PCDHGB6: variants seen among roughly 807,000 people sequenced by gnomAD.
PCDHGB6 encodes the protein protocadherin gamma subfamily B, 6.
A neutral mutation model predicts 59.1 loss-of-function variants in PCDHGB6; 51 were observed. The ratio of observed to expected loss-of-function variants is 0.86; its 90% confidence interval spans 0.69 to 1.09. The LOEUF (loss-of-function observed/expected upper bound fraction) is 1.09. Among genes scored for constraint, PCDHGB6 ranks in the 50% least tolerant of loss-of-function variants. PCDHGB6 has a pLI of 0.00. For synonymous variants in PCDHGB6, 466 were observed against 495.1 expected (o/e 0.94, Z 0.78); for missense variants, 1,148 against 1,205.1 (o/e 0.95, Z 0.70).
At chr5:141,465,867 A>G (rs1049493106) in intron 1 of PCDHGB6, among the ~76,000 whole-genome samples, 5 of 152,040 alleles carry the variant, frequency 3.3e-5, no homozygotes, top group African/African-American at 9.7e-5. Context: ...TCATGCCTGT[A>G]ATCCCAGCAC....
chr5:141,415,305 C>G (rs200439097), intron 1 of PCDHGB6: 1 of 1,614,234 alleles, frequency 6.2e-7, no homozygotes, highest in African/African-American at 1.3e-5. Context: ...TCTTCCTGGC[C>G]TTCGTCATCG....
At chr5:141,418,848 G>C (rs770294020) in intron 1 of PCDHGB6, 1 of 1,613,836 alleles carries the variant, frequency 6.2e-7, no homozygotes, top group Non-Finnish European at 8.5e-7. Flanking sequence ...CTCTCAACAC[G>C]GTGTAAAGTA....
At chr5:141,413,827 G>A (rs2154544774) in intron 1 of PCDHGB6, 1 of 1,613,200 alleles carries the variant, frequency 6.2e-7, no homozygotes. Context: ...GGTCCTCACC[G>A]CCTCCGACGG....
rs752680691 is a variant in PCDHGB6, at chr5:141,433,173, G to A, written c.2418+22553G>A. Reference sequence around the variant, plus strand: ...TCGGTATTTTCTAAAGACAGTCATGGGTTAATTGAGGTGAGTTTATATCAA... The same window carrying A: ...TCGGTATTTTCTAAAGACAGTCATGAGTTAATTGAGGTGAGTTTATATCAA... On this transcript the variant is annotated intron_variant, in intron 1 of 3. Coordinates refer to ENST00000520790, the MANE Select transcript of PCDHGB6 (RefSeq NM_018926.3). 3.1e-6 allele frequency: 5 copies of A among 1,610,344 alleles called. 1 individual carries two copies. In the Middle Eastern group the frequency reaches 5.0e-4, roughly 160 times the overall value.
chr5:141,419,443 C>G lies in PCDHGB6; in HGVS notation c.2418+8823C>G, dbSNP rs1476796525. ...TCGACCACGAGCAGCTGCGCACCTT[C>G]GAGCTCACGCTGCAGGCCCGCGACC... On this transcript the variant is annotated intron_variant, in intron 1 of 3. Coordinates refer to ENST00000520790, the MANE Select transcript of PCDHGB6 (RefSeq NM_018926.3). 6.2e-7 allele frequency: 1 copy of G among 1,613,080 alleles called. No individual in the cohort carries two copies. Among genetic ancestry groups the G allele is most frequent in the Non-Finnish European group, 8.5e-7 (1 of 1,179,758 alleles).
rs199507728 is a variant in PCDHGB6, at chr5:141,422,807, G to A, written c.2418+12187G>A. On this transcript the variant is annotated intron_variant, in intron 1 of 3. Coordinates refer to ENST00000520790, the MANE Select transcript of PCDHGB6 (RefSeq NM_018926.3). ...CAATCCTTCGACTATGAGCAGTTTC[G>A]AGACTTAGAACTGAGAGTGATAGCA... 1.9e-3 allele frequency: 3,146 copies of A among 1,614,198 alleles called. 36 individuals are homozygous for A. The highest frequency in any genetic ancestry group is 0.018 in the South Asian group (1,680 of 91,084).
rs2099705703 is a variant in PCDHGB6, at chr5:141,490,886, C to A, written c.2419-3921C>A. On this transcript the variant is annotated intron_variant, in intron 1 of 3. Transcript: ENST00000520790. This position sits in a 1 kb window ranked among gnomAD's most constrained non-coding sequence, Gnocchi z 5.4. The stretch of plus-strand genomic sequence containing the variant: ...TCTCCCCCATTGCATGCCAACACAT[C>A]TCTGCATGTGTTTGTCCTAGACGAG... The A allele has an allele frequency of 6.2e-7, 1 of 1,613,406 alleles. No homozygotes were observed. Among genetic ancestry groups the A allele is most frequent in the East Asian group, 2.2e-5 (1 of 44,878 alleles).
At chr5:141,412,561 T>G (rs1183372771) in intron 1 of PCDHGB6, 3 of 152,184 alleles carry the variant, frequency 2.0e-5, no homozygotes, top group Admixed American at 6.5e-5. Context: ...TCTCATGAGT[T>G]TATTTAATAT....
At chr5:141,469,044 A>C (rs1247890388) in intron 1 of PCDHGB6, among the ~76,000 whole-genome samples, 1 of 152,128 alleles carries the variant, frequency 6.6e-6, no homozygotes, top group East Asian at 1.9e-4. Context: ...TGGGAGGCCA[A>C]GGTGGGAGGA....
rs554661873 is a variant in PCDHGB6, at chr5:141,487,723, T to C, written c.2419-7084T>C. ...GCCTCTCAGTAAGTGCCCATAGTGATGTCACCATTTTTGTAAGAGGTAACT... is the reference window on the plus strand; with the variant it reads ...GCCTCTCAGTAAGTGCCCATAGTGACGTCACCATTTTTGTAAGAGGTAACT... On this transcript the variant is annotated intron_variant, in intron 1 of 3. Transcript: ENST00000520790. The surrounding 1 kb of genome is among the most constrained non-coding windows in gnomAD (Gnocchi z 5.0). The C allele has an allele frequency of 2.6e-5, 41 of 1,574,932 alleles. No homozygotes were observed. Among genetic ancestry groups the C allele is most frequent in the Non-Finnish European group, 5.2e-6 (6 of 1,158,382 alleles).
intron 3 of PCDHGB6, among the ~76,000 whole-genome samples, chr5:141,507,518 A>T (rs1323767789): frequency 6.6e-6 from 1 of 152,132 alleles, no homozygotes; most frequent in African/African-American, 2.4e-5. Flanking sequence ...TGGGGCTATG[A>T]TTCCAGAGAG....
At chr5:141,423,100 G>A in intron 1 of PCDHGB6, 1 of 1,613,944 alleles carries the variant, frequency 6.2e-7, no homozygotes, top group Non-Finnish European at 8.5e-7. Context: ...GGAGCACACG[G>A]GCGAGGTGCG....
rs866878519 is a variant in PCDHGB6, at chr5:141,486,035, C to A, written c.2419-8772C>A. ...TTATTTCAGTGGTCATACCCCTGAT[C>A]GTGTAAGAAACCTCTTTAGCCTGCA... is the stretch of plus-strand genomic sequence containing the variant. On this transcript the variant is annotated intron_variant, in intron 1 of 3. Coordinates refer to ENST00000520790, the MANE Select transcript of PCDHGB6 (RefSeq NM_018926.3). This position sits in a 1 kb window ranked among gnomAD's most constrained non-coding sequence, Gnocchi z 5.0. The A allele has an allele frequency of 1.9e-6, 3 of 1,614,100 alleles. No homozygotes were observed. The East Asian group carries it at 6.7e-5, about 36-fold the overall frequency.
chr5:141,457,149 G>A (rs1016628234), intron 1 of PCDHGB6, among the ~76,000 whole-genome samples: 6 of 152,180 alleles, frequency 3.9e-5, no homozygotes, highest in African/African-American at 1.4e-4. Flanking sequence ...TCAGTTAGAA[G>A]GTGCTACCAT....
chr5:141,428,488 CTGT>C (rs2097142454), intron 1 of PCDHGB6: 1 of 312,362 alleles, frequency 3.2e-6, no homozygotes. Flanking sequence ...TTCCTGCAAT[CTGT>C]ATGTTCCCTC....
intron 1 of PCDHGB6, among the ~76,000 whole-genome samples, chr5:141,465,159 A>C (rs1333891587): frequency 6.6e-6 from 1 of 151,952 alleles, no homozygotes; most frequent in East Asian, 1.9e-4. Flanking sequence ...AGGGACTCTA[A>C]ATGTTTATGA....
intron 1 of PCDHGB6, chr5:141,421,154 G>A: frequency 8.7e-7 from 1 of 1,151,318 alleles, no homozygotes; most frequent in South Asian, 1.6e-5. Flanking sequence ...GTCGGCCTAG[G>A]ACTTCATAGA....
intron 1 of PCDHGB6, chr5:141,413,082 A>C: frequency 3.7e-6 from 5 of 1,344,442 alleles, no homozygotes; most frequent in Non-Finnish European, 5.1e-6. Context: ...CCCAGGCTAC[A>C]GAGACACCCT....
chr5:141,419,461 C>T, intron 1 of PCDHGB6: 2 of 1,612,628 alleles, frequency 1.2e-6, no homozygotes, highest in Non-Finnish European at 1.7e-6. Flanking sequence ...CGCTGCAGGC[C>T]CGCGACCAGG....
Sources: gnomAD v4.1 joint callset for allele counts (sites outside exome capture counted in the v4.1 genomes callset) on GRCh38, gnomAD v4.1.1 for gene constraint, Gnocchi (gnomAD v3.1) non-coding constraint, MANE v1.5 for transcripts, NCBI Gene and HGNC (gene_info 2026-07-23, HGNC 2026-07-21) for gene names.